Variants in ADARB2 observed in about 807,000 individuals in gnomAD.
The protein encoded by ADARB2 is inactive double-stranded RNA-specific editase B2.
In ADARB2, 25 loss-of-function variants were observed where a neutral mutation model predicts 62.2. The observed-to-expected ratio is 0.40, with a 90% CI of 0.29 to 0.56. The LOEUF (loss-of-function observed/expected upper bound fraction) is 0.56. Among genes scored for constraint, ADARB2 ranks in the 20% least tolerant of loss-of-function variants. ADARB2 has a pLI of 0.43. For missense variants in ADARB2, 1,071 were observed against 1,077.4 expected, an observed-to-expected ratio of 0.99 and a Z score of 0.08; for synonymous variants, 572 against 500.8, an observed-to-expected ratio of 1.14 and a Z score of -1.90.
Position 1,406,029 on chromosome 10 carries a change from G to A in ADARB2, c.101-26869C>T, listed in dbSNP as rs113257895. Among the ~76,000 whole-genome samples, 359 of 151,924 alleles carry A rather than the reference G, an allele frequency of 2.4e-3. 5 individuals are homozygous for A. Among genetic ancestry groups the A allele is most frequent in the African/African-American group, 8.1e-3 (337 of 41,412 alleles). ...GATACACCCATTTATTAAACCCTTCGCCAAGATACACCCATTTATTAAACC... is the reference window on the plus strand; with the variant it reads ...GATACACCCATTTATTAAACCCTTCACCAAGATACACCCATTTATTAAACC... On this transcript the variant is annotated intron_variant, in intron 1 of 9. Transcript: ENST00000381312.
At chr10:1,390,078 A>C (rs1832557054) in intron 1 of ADARB2, among the ~76,000 whole-genome samples, 1 of 152,260 alleles carries the variant, frequency 6.6e-6, no homozygotes, top group African/African-American at 2.4e-5. Context: ...TGGATACATT[A>C]ATTGTGGTGC....
At chr10:1,193,637 T>A (rs185272441) in intron 8 of ADARB2, among the ~76,000 whole-genome samples, 13 of 152,354 alleles carry the variant, frequency 8.5e-5, no homozygotes, top group African/African-American at 2.9e-4. Flanking sequence ...TTCTGGAGAG[T>A]GAGTCCACCA....
chr10:1,418,042 G>A (rs999914809), intron 1 of ADARB2, among the ~76,000 whole-genome samples: 6 of 152,208 alleles, frequency 3.9e-5, no homozygotes, highest in Admixed American at 3.9e-4. Flanking sequence ...CCTTTGCTGA[G>A]ATGTCTGGGG....
At chr10:1,348,447 C>G (rs1448832785) in intron 3 of ADARB2, among the ~76,000 whole-genome samples, 2 of 152,140 alleles carry the variant, frequency 1.3e-5, no homozygotes, top group African/African-American at 4.8e-5. Context: ...GTGACTCTTG[C>G]CAGCCTGAGC....
intron 3 of ADARB2, among the ~76,000 whole-genome samples, chr10:1,288,646 G>A (rs1489887340): frequency 3.3e-5 from 5 of 152,222 alleles, no homozygotes; most frequent in Non-Finnish European, 7.3e-5. Context: ...GATGAGATGA[G>A]CCTGCAGGTA....
intron 1 of ADARB2, among the ~76,000 whole-genome samples, chr10:1,495,541 G>A (rs1277551299): frequency 6.6e-6 from 1 of 152,170 alleles, no homozygotes; most frequent in Admixed American, 6.5e-5. Context: ...CTACATTTTG[G>A]CAGAACATAG....
At position 1,244,365 on chromosome 10, in the gene ADARB2, C is replaced by T. The variant is rs543724541; in HGVS notation, c.1193-2066G>A. ...AGTTTCAGTGTTCACGACCGGTGCG[C>T]ATGCAGTCTCTGGTGGAAACGGACA... On this transcript the variant is annotated intron_variant, in intron 4 of 9. Transcript: ENST00000381312. Among the ~76,000 whole-genome samples the T allele has an allele frequency of 3.3e-5, 5 of 152,372 alleles. No homozygotes were observed. The South Asian group carries it at 1.0e-3, about 32-fold the overall frequency.
intron 1 of ADARB2, among the ~76,000 whole-genome samples, chr10:1,517,952 A>G (rs938751200): frequency 6.6e-6 from 1 of 152,158 alleles, no homozygotes; most frequent in African/African-American, 2.4e-5. Flanking sequence ...GGCGCTCACT[A>G]AAGATTCCTT....
rs144439159 is a variant in ADARB2 at position 1,431,363 on chromosome 10, G to A, written c.101-52203C>T. 3.4e-3 allele frequency among the ~76,000 whole-genome samples: 511 copies of A among 152,064 alleles called. 3 individuals carry two copies. Among genetic ancestry groups the A allele is most frequent in the African/African-American group, 0.011 (475 of 41,482 alleles). ...ATGTATCAGAGAAAAAATCTCAAAG[G>A]TAATACAAATGCATTGAACCAAATG... On this transcript the variant is annotated intron_variant, in intron 1 of 9. Coordinates refer to ENST00000381312, the MANE Select transcript of ADARB2 (RefSeq NM_018702.4).
Position 1,309,371 on chromosome 10 carries a change from A to T in ADARB2, c.1078-38302T>A, listed in dbSNP as rs575688429. 2.0e-5 allele frequency among the ~76,000 whole-genome samples: 3 copies of T among 152,202 alleles called. No homozygotes were observed. In the East Asian group the frequency reaches 5.8e-4, roughly 29 times the overall value. On this transcript the variant is annotated intron_variant, in intron 3 of 9. Coordinates refer to ENST00000381312, the MANE Select transcript of ADARB2 (RefSeq NM_018702.4). ...CCTCCATGCCGACTGTGGCCTTGTC[A>T]TTGTGGAAAGTGCCTTTTCAGCCGG... is the stretch of plus-strand genomic sequence containing the variant.
At position 1,199,980 on chromosome 10, in the gene ADARB2, C is replaced by A; in HGVS notation, c.1850G>T (p.Arg617Leu). The A allele has an allele frequency of 6.4e-7, 1 of 1,561,404 alleles. No individual in the cohort carries two copies. Among genetic ancestry groups the A allele is most frequent in the Admixed American group, 1.7e-5 (1 of 58,174 alleles). Residue 617 changes from arginine (R) to leucine (L), a missense_variant, in exon 8 of 10, where the codon CGG becomes CTG. Coordinates refer to ENST00000381312, the MANE Select transcript of ADARB2 (RefSeq NM_018702.4). ...GGGGTTCTTACCGCTGAGGAGAGGC[C>A]GGTTGTGCCGGTAGGAGGCGGGCAG... ...GQLPASYRHNRPLLSGVSDAE... is the reference protein window; with the variant it reads ...GQLPASYRHNLPLLSGVSDAE...
chr10:1,677,054 A>G (rs1834475311), intron 1 of ADARB2, among the ~76,000 whole-genome samples: 1 of 152,230 alleles, frequency 6.6e-6, no homozygotes, highest in Admixed American at 6.5e-5. Context: ...CATCCGCTTC[A>G]CCCCAGCACT....
At chr10:1,617,712 A>T (rs564546670) in intron 1 of ADARB2, among the ~76,000 whole-genome samples, 16 of 151,030 alleles carry the variant, frequency 1.1e-4, no homozygotes, top group African/African-American at 3.9e-4. Flanking sequence ...CATCCTGGGA[A>T]CTGGCCTCAG....
intron 1 of ADARB2, among the ~76,000 whole-genome samples, chr10:1,389,061 A>T (rs536490303): frequency 7.2e-5 from 11 of 152,368 alleles, no homozygotes; most frequent in Admixed American, 1.3e-4. Flanking sequence ...TCTTTTTAAT[A>T]AATAGTTCTA....
intron 8 of ADARB2, among the ~76,000 whole-genome samples, chr10:1,196,486 A>G (rs373322842): frequency 2.0e-5 from 3 of 152,168 alleles, no homozygotes; most frequent in Admixed American, 6.5e-5. Flanking sequence ...CTCAGGAGCA[A>G]TGTAATTAAG....
intron 3 of ADARB2, among the ~76,000 whole-genome samples, chr10:1,311,102 G>A (rs1008517959): frequency 6.6e-6 from 1 of 152,166 alleles, no homozygotes; most frequent in African/African-American, 2.4e-5. Flanking sequence ...ATGCTCATGG[G>A]GGTCACTCAG....
intron 1 of ADARB2, among the ~76,000 whole-genome samples, chr10:1,416,929 C>G (rs1345153947): frequency 1.3e-5 from 2 of 152,234 alleles, no homozygotes; most frequent in African/African-American, 4.8e-5. Flanking sequence ...AGCACGGGTC[C>G]CCCTGAAACA....
intron 1 of ADARB2, among the ~76,000 whole-genome samples, chr10:1,488,356 A>G (rs923088519): frequency 2.0e-5 from 3 of 152,210 alleles, no homozygotes; most frequent in Non-Finnish European, 4.4e-5. Context: ...GTAGCCAATG[A>G]CCTGTGTCTG....
chr10:1,350,679 C>T (rs1832127796), intron 3 of ADARB2, among the ~76,000 whole-genome samples: 1 of 152,176 alleles, frequency 6.6e-6, no homozygotes, highest in Non-Finnish European at 1.5e-5. Flanking sequence ...GCTCGTTCGG[C>T]AGCAACCCTG....
Sources: gnomAD v4.1 joint callset for allele counts (sites outside exome capture counted in the v4.1 genomes callset) on GRCh38, gnomAD v4.1.1 for gene constraint, MANE v1.5 for transcripts, NCBI Gene and HGNC (gene_info 2026-07-23, HGNC 2026-07-21) for gene names.